FBN1: variants seen among roughly 807,000 people sequenced by gnomAD.
FBN1 encodes fibrillin-1.
FBN1 carries 29 observed loss-of-function variants against 365.1 expected under a neutral mutation model. The observed-to-expected ratio is 0.08, with a 90% CI of 0.06 to 0.11. The LOEUF (loss-of-function observed/expected upper bound fraction) is 0.11. Among genes scored for constraint, FBN1 ranks in the 10% least tolerant of loss-of-function variants. The pLI, the probability that FBN1 is intolerant of heterozygous loss-of-function variation, is 1.00. For synonymous variants in FBN1, 1,210 were observed against 1,270.5 expected (o/e 0.95, Z 1.01); for missense variants, 2,476 against 3,703.2 (o/e 0.67, Z 8.60).
In FBN1 at chr15:48,600,215, G is replaced by A; in HGVS notation, c.366C>T (p.Arg122=). 1 of 1,613,502 alleles carries A rather than the reference G, an allele frequency of 6.2e-7. No homozygotes were observed. Among genetic ancestry groups the A allele is most frequent in the Non-Finnish European group, 8.5e-7 (1 of 1,179,702 alleles). ...GSRSIQHCNI[R]CMNGGSCSDD... is the part of the protein sequence containing the mutation. ...CACTGCAGCTACCTCCATTCATACA[G>A]CGAATATTGCAGTGTTGTACTTGAA... is the stretch of plus-strand genomic sequence containing the variant. Residue 122 remains arginine (R), a synonymous_variant, in exon 5 of 66, where the codon CGC becomes CGT. Coordinates refer to ENST00000316623, the MANE Select transcript of FBN1 (RefSeq NM_000138.5).
intron 60 of FBN1, 48 bp from the exon 61 acceptor site, chr15:48,422,116 G>T (rs893784429): frequency 1.5e-6 from 2 of 1,312,278 alleles, no homozygotes; most frequent in Non-Finnish European, 2.2e-6. Context: ...AACAAAACAG[G>T]ATCAGGGAAG....
intron 2 of FBN1, among the ~76,000 whole-genome samples, chr15:48,624,676 T>TCA (rs1365510939): frequency 2.6e-5 from 4 of 152,252 alleles, no homozygotes; most frequent in Admixed American, 2.6e-4. Context: ...CCCCTGGACT[T>TCA]CACCAGTGAG....
At chr15:48,548,760 G>GA (rs1259069034) in intron 6 of FBN1, among the ~76,000 whole-genome samples, 1 of 152,134 alleles carries the variant, frequency 6.6e-6, no homozygotes, top group African/African-American at 2.4e-5. Flanking sequence ...CCCCAAGAGG[G>GA]AAGCCAAACA....
intron 6 of FBN1, among the ~76,000 whole-genome samples, chr15:48,588,481 A>G (rs553575728): frequency 6.6e-6 from 1 of 152,314 alleles, no homozygotes; most frequent in Admixed American, 6.5e-5. Flanking sequence ...TATCTTTTTA[A>G]TAAGTTCATA....
At chr15:48,451,540 A>T (rs956958467) in intron 45 of FBN1, among the ~76,000 whole-genome samples, 1 of 152,140 alleles carries the variant, frequency 6.6e-6, no homozygotes, top group Non-Finnish European at 1.5e-5. Flanking sequence ...AAATACCCTA[A>T]AGAGAACAGT....
intron 7 of FBN1, among the ~76,000 whole-genome samples, chr15:48,536,424 T>G (rs1470375821): frequency 6.6e-6 from 1 of 152,100 alleles, no homozygotes; most frequent in Non-Finnish European, 1.5e-5. Flanking sequence ...AAAGTCTAGC[T>G]CTCTGGTCAC....
intron 6 of FBN1, among the ~76,000 whole-genome samples, chr15:48,582,358 C>A (rs1381107836): frequency 6.6e-6 from 1 of 152,198 alleles, no homozygotes; most frequent in African/African-American, 2.4e-5. Flanking sequence ...TTCATTCTTA[C>A]AACATGCAGT....
At chr15:48,627,084 A>C (rs1889899227) in intron 2 of FBN1, among the ~76,000 whole-genome samples, 1 of 152,226 alleles carries the variant, frequency 6.6e-6, no homozygotes, top group Non-Finnish European at 1.5e-5. Context: ...TTAGTGTTAA[A>C]GATTTTTAGA....
chr15:48,579,392 A>G (rs908160155), intron 6 of FBN1, among the ~76,000 whole-genome samples: 3 of 152,204 alleles, frequency 2.0e-5, no homozygotes, highest in African/African-American at 7.2e-5. Flanking sequence ...AATTTTAATA[A>G]TGGCCATTAT....
At chr15:48,492,717 G>T in intron 23 of FBN1, 131 bp from the exon 24 acceptor site, 1 of 755,544 alleles carries the variant, frequency 1.3e-6, no homozygotes, top group Non-Finnish European at 2.2e-6. Flanking sequence ...CCTACAAGTA[G>T]TTTGTGTAGA....
intron 48 of FBN1, 94 bp downstream of exon 48, chr15:48,445,282 G>C (rs532971219): frequency 7.1e-7 from 1 of 1,410,784 alleles, no homozygotes. Context: ...TTTCCTCCAG[G>C]TTTCCAGAAA....
intron 9 of FBN1, among the ~76,000 whole-genome samples, chr15:48,524,781 T>A (rs2043894065): frequency 6.6e-6 from 1 of 152,204 alleles, no homozygotes; most frequent in Admixed American, 6.5e-5. Flanking sequence ...CCATCTACAA[T>A]ACTGCTGTGA....
intron 22 of FBN1, 116 bp from the exon 23 acceptor site, chr15:48,494,370 T>C: frequency 1.3e-6 from 1 of 793,644 alleles, no homozygotes; most frequent in Non-Finnish European, 2.2e-6. Flanking sequence ...ATGAAGTAGA[T>C]TGTGTTGCTA....
chr15:48,582,340 A>T (rs2044400460), intron 6 of FBN1, among the ~76,000 whole-genome samples: 1 of 152,158 alleles, frequency 6.6e-6, no homozygotes. Flanking sequence ...ACTAGCAAAG[A>T]CCCATGTTTC....
intron 9 of FBN1, 146 bp downstream of exon 9, chr15:48,525,984 C>A: frequency 9.8e-7 from 1 of 1,020,836 alleles, no homozygotes; most frequent in Non-Finnish European, 1.5e-6. Context: ...TTTAAGAGGG[C>A]AGTCAACTGT....
Position 48,454,193 on chromosome 15 carries a change from C to A in FBN1, c.5423-1509G>T, listed in dbSNP as rs558888354. The stretch of plus-strand genomic sequence containing the variant: ...CATGTCTGGAAAATGGCCTGAGAGT[C>A]TGAATTTCTAATAAGTTCCCAGCTG... On this transcript the variant is annotated intron_variant, in intron 44 of 65. Transcript: ENST00000316623. Among the ~76,000 whole-genome samples, 5 of 152,270 alleles carry A rather than the reference C, an allele frequency of 3.3e-5. No individual in the cohort carries two copies. In the East Asian group the frequency reaches 7.7e-4, roughly 24 times the overall value.
intron 6 of FBN1, among the ~76,000 whole-genome samples, chr15:48,578,756 A>T (rs990883278): frequency 3.4e-5 from 5 of 148,204 alleles, no homozygotes; most frequent in Non-Finnish European, 7.4e-5. Context: ...TATCGCAAGA[A>T]CAAAAAACCA....
At chr15:48,617,333 C>A (rs1248046769) in intron 2 of FBN1, among the ~76,000 whole-genome samples, 3 of 152,072 alleles carry the variant, frequency 2.0e-5, no homozygotes, top group Admixed American at 1.3e-4. Context: ...CACCACTACA[C>A]CCAGCTAATT....
intron 6 of FBN1, among the ~76,000 whole-genome samples, chr15:48,568,712 C>T (rs552477447): frequency 1.3e-3 from 191 of 152,104 alleles, no homozygotes; most frequent in African/African-American, 4.6e-3. Context: ...AACTGATTTT[C>T]AGCAAAAGTG....
Sources: gnomAD v4.1 joint callset for allele counts (sites outside exome capture counted in the v4.1 genomes callset) on GRCh38, gnomAD v4.1.1 for gene constraint, MANE v1.5 for transcripts, NCBI Gene and HGNC (gene_info 2026-07-23, HGNC 2026-07-21) for gene names.